The following ATXN8OS variants were observed in gnomAD, a reference collection of about 807,000 sequenced individuals.
The protein encoded by ATXN8OS is ATXN8 opposite strand (non-protein coding).
intron 3 of ATXN8OS, among the ~76,000 whole-genome samples, chr13:70,142,513 G>A (rs1348231883): frequency 6.6e-6 from 1 of 152,120 alleles, no homozygotes. Context: ...GTAGTATGAT[G>A]TTTGTATTAC....
At chr13:70,135,076 T>G (rs1259506822) in intron 3 of ATXN8OS, among the ~76,000 whole-genome samples, 8 of 152,182 alleles carry the variant, frequency 5.3e-5, no homozygotes, top group East Asian at 1.9e-4. Flanking sequence ...AATCATAAAC[T>G]TCAGTTCTGA....
At chr13:70,152,402 C>A (rs1888880835) in intron 4 of ATXN8OS, among the ~76,000 whole-genome samples, 1 of 151,488 alleles carries the variant, frequency 6.6e-6, no homozygotes, top group African/African-American at 2.4e-5. Flanking sequence ...CACATATATA[C>A]ATACAAGTAT....
At chr13:70,118,536 T>C (rs563750852) in intron 2 of ATXN8OS, among the ~76,000 whole-genome samples, 1 of 152,080 alleles carries the variant, frequency 6.6e-6, no homozygotes, top group Non-Finnish European at 1.5e-5. Flanking sequence ...TATATACATA[T>C]ATGCATTTAT....
chr13:70,153,781 G>A lies in ATXN8OS; in HGVS notation n.573+6353G>A, dbSNP rs534390947. ...TGCAGCCTTGACTTCCCAGGCTCCC[G>A]CGATCCACCCACCTCAACCTCCCAA... On this transcript the variant is annotated intron_variant and non_coding_transcript_variant, in intron 4 of 4. Transcript: ENST00000678624. Among the ~76,000 whole-genome samples, 27 of 152,038 alleles carry A rather than the reference G, an allele frequency of 1.8e-4. No individual in the cohort carries two copies. The South Asian group carries it at 1.9e-3, about 11-fold the overall frequency.
intron 2 of ATXN8OS, among the ~76,000 whole-genome samples, chr13:70,118,305 T>C (rs1037250015): frequency 6.6e-6 from 1 of 152,076 alleles, no homozygotes; most frequent in Non-Finnish European, 1.5e-5. Flanking sequence ...AAATCTCTGA[T>C]AGTGTGAGTG....
intron 3 of ATXN8OS, among the ~76,000 whole-genome samples, chr13:70,141,203 A>G (rs562889273): frequency 2.3e-4 from 35 of 152,274 alleles, no homozygotes; most frequent in Admixed American, 2.0e-3. Flanking sequence ...CTTATCTGTT[A>G]AGACTATCAT....
chr13:70,117,917 T>C (rs1268450173), intron 2 of ATXN8OS, among the ~76,000 whole-genome samples: 2 of 152,114 alleles, frequency 1.3e-5, no homozygotes, highest in Non-Finnish European at 2.9e-5. Context: ...TTCAAAGGCA[T>C]TTTGTAAAAT....
chr13:70,147,894 A>G (rs1250189344), intron 4 of ATXN8OS, among the ~76,000 whole-genome samples: 1 of 152,200 alleles, frequency 6.6e-6, no homozygotes, highest in Non-Finnish European at 1.5e-5. Flanking sequence ...TTACAGGCAA[A>G]ACATAATACA....
At chr13:70,156,710 T>G (rs1888942152) in intron 4 of ATXN8OS, among the ~76,000 whole-genome samples, 1 of 152,140 alleles carries the variant, frequency 6.6e-6, no homozygotes, top group Non-Finnish European at 1.5e-5. Context: ...AGCATGAGTT[T>G]TCATAAACTA....
chr13:70,109,431 G>C (rs181226484), intron 1 of ATXN8OS, among the ~76,000 whole-genome samples: 10 of 152,226 alleles, frequency 6.6e-5, no homozygotes, highest in Non-Finnish European at 1.5e-5. Context: ...CAGAGCATAG[G>C]AATCAACCAC....
At chr13:70,150,060 C>T (rs1888842115) in intron 4 of ATXN8OS, among the ~76,000 whole-genome samples, 1 of 152,094 alleles carries the variant, frequency 6.6e-6, no homozygotes, top group Non-Finnish European at 1.5e-5. Flanking sequence ...TTCCCTTAAA[C>T]ACGAGTGATG....
At chr13:70,121,071 T>TA (rs532175520) in intron 2 of ATXN8OS, among the ~76,000 whole-genome samples, 353 of 138,792 alleles carry the variant, frequency 2.5e-3, no homozygotes, top group South Asian at 5.6e-3. Flanking sequence ...TAAAGTATAA[T>TA]AAAAAAAAAA....
intron 3 of ATXN8OS, chr13:70,130,644 A>G (rs1888518889): frequency 2.5e-6 from 1 of 398,236 alleles, no homozygotes; most frequent in Non-Finnish European, 4.4e-6. Context: ...AATGTCTAGG[A>G]ATGCACAAGT....
At chr13:70,162,063 G>T (rs978424329) in intron 4 of ATXN8OS, among the ~76,000 whole-genome samples, 6 of 151,990 alleles carry the variant, frequency 3.9e-5, no homozygotes, top group African/African-American at 7.2e-5. Flanking sequence ...AAAGAAGAAA[G>T]GGAGATGGTA....
intron 4 of ATXN8OS, among the ~76,000 whole-genome samples, chr13:70,157,159 T>C (rs1888947854): frequency 6.6e-6 from 1 of 152,144 alleles, no homozygotes; most frequent in Non-Finnish European, 1.5e-5. Flanking sequence ...AACATTATTT[T>C]AAAATTTAGA....
At chr13:70,162,122 A>G (rs918407569) in intron 4 of ATXN8OS, among the ~76,000 whole-genome samples, 4 of 152,080 alleles carry the variant, frequency 2.6e-5, no homozygotes, top group Admixed American at 1.3e-4. Context: ...CATTGAGTTA[A>G]AATTGTGTTT....
intron 4 of ATXN8OS, among the ~76,000 whole-genome samples, chr13:70,150,788 G>A (rs1305875830): frequency 6.6e-6 from 1 of 151,960 alleles, no homozygotes; most frequent in Non-Finnish European, 1.5e-5. Context: ...ACACTACATT[G>A]CACACTATTC....
At chr13:70,166,904 C>T (rs1235549430) in intron 4 of ATXN8OS, among the ~76,000 whole-genome samples, 2 of 151,584 alleles carry the variant, frequency 1.3e-5, no homozygotes, top group East Asian at 1.9e-4. Context: ...AGCCAAAAAA[C>T]ACATGAAAAA....
At chr13:70,113,516 C>T (rs2137469433) in intron 1 of ATXN8OS, among the ~76,000 whole-genome samples, 1 of 152,026 alleles carries the variant, frequency 6.6e-6, no homozygotes. Context: ...CTGAAATTTG[C>T]CTGTATCACT....
Sources: gnomAD v4.1 joint callset for allele counts (sites outside exome capture counted in the v4.1 genomes callset) on GRCh38, gnomAD v4.1.1 for gene constraint, MANE v1.5 for transcripts, NCBI Gene and HGNC (gene_info 2026-07-23, HGNC 2026-07-21) for gene names.